The following PRKN variants were observed in gnomAD, a reference collection of about 807,000 sequenced individuals.
PRKN encodes the protein E3 ubiquitin-protein ligase parkin.
Under a neutral mutation model 59.5 loss-of-function variants are expected in PRKN, and 56 were observed. That is an observed-to-expected ratio of 0.94 (90% confidence interval 0.76 to 1.18). PRKN has a LOEUF of 1.18. Among genes scored for constraint, PRKN ranks in the 50% most tolerant of loss-of-function variants. The probability of loss-of-function intolerance (pLI) is 0.00; values close to 1 mark genes in which losing one functional copy is unlikely to be tolerated. For synonymous variants in PRKN, 250 were observed against 222.1 expected, an observed-to-expected ratio of 1.13 and a Z score of -1.12; for missense variants, 657 against 596.4, an observed-to-expected ratio of 1.10 and a Z score of -1.06.
At chr6:162,528,054 A>T (rs966238270) in intron 1 of PRKN, among the ~76,000 whole-genome samples, 1 of 6,762 alleles carries the variant, frequency 1.5e-4, no homozygotes, top group Non-Finnish European at 2.2e-4. Flanking sequence ...GCACTTTGGG[A>T]GGTCGGGGGA....
At chr6:162,648,859 T>C (rs1562467494) in intron 1 of PRKN, among the ~76,000 whole-genome samples, 2 of 152,210 alleles carry the variant, frequency 1.3e-5, no homozygotes, top group South Asian at 2.1e-4. Context: ...TGGAGGTATT[T>C]TGTAGACATA....
intron 7 of PRKN, among the ~76,000 whole-genome samples, chr6:161,690,652 C>T (rs1785744785): frequency 6.6e-6 from 1 of 152,192 alleles, no homozygotes; most frequent in Non-Finnish European, 1.5e-5. Flanking sequence ...AGCATCCCAT[C>T]ACTAAGGACC....
At chr6:162,515,842 A>G (rs565254211) in intron 1 of PRKN, among the ~76,000 whole-genome samples, 1 of 152,318 alleles carries the variant, frequency 6.6e-6, no homozygotes, top group East Asian at 1.9e-4. Flanking sequence ...TTCTTCCTGA[A>G]AAGTACTAGA....
At chr6:162,188,427 A>G (rs9365382) in intron 4 of PRKN, among the ~76,000 whole-genome samples, 46,710 of 151,894 alleles carry the variant, frequency 0.31, 11,995 homozygotes, top group African/African-American at 0.67. Context: ...CTGAACACCA[A>G]CATCATTCCA....
chr6:161,422,898 G>A (rs139841617), intron 9 of PRKN, among the ~76,000 whole-genome samples: 9 of 152,266 alleles, frequency 5.9e-5, no homozygotes, highest in East Asian at 1.9e-4. Context: ...TGATCGAGAC[G>A]CCAACAGCAG....
At chr6:162,672,834 C>A (rs1779385295) in intron 1 of PRKN, among the ~76,000 whole-genome samples, 1 of 152,072 alleles carries the variant, frequency 6.6e-6, no homozygotes, top group Non-Finnish European at 1.5e-5. Flanking sequence ...CAATCTACAG[C>A]AGAGATATAA....
At chr6:161,677,894 CCAGCTACT>C (rs1785147968) in intron 7 of PRKN, among the ~76,000 whole-genome samples, 1 of 152,098 alleles carries the variant, frequency 6.6e-6, no homozygotes, top group Non-Finnish European at 1.5e-5. Flanking sequence ...AGAGGTGAAA[CCAGCTACT>C]CATGGACTCA....
intron 3 of PRKN, among the ~76,000 whole-genome samples, chr6:162,247,951 C>A (rs1229676163): frequency 6.6e-6 from 1 of 152,078 alleles, no homozygotes; most frequent in Non-Finnish European, 1.5e-5. Flanking sequence ...TTTAATTTCC[C>A]CCCAGCCCCA....
chr6:162,319,155 A>C (rs557996488), intron 2 of PRKN, among the ~76,000 whole-genome samples: 1 of 152,094 alleles, frequency 6.6e-6, no homozygotes, highest in Non-Finnish European at 1.5e-5. Context: ...TAAGAAACAA[A>C]CATATTTGTT....
chr6:161,386,778 G>A lies in PRKN; in HGVS notation c.1167+16C>T. 1 of 1,586,934 alleles carries A rather than the reference G, an allele frequency of 6.3e-7. No individual in the cohort carries two copies. Among genetic ancestry groups the A allele is most frequent in the Non-Finnish European group, 8.7e-7 (1 of 1,155,214 alleles). On this transcript the variant is annotated intron_variant, in intron 10 of 11. Transcript: ENST00000366898. This position sits in a 1 kb window ranked among gnomAD's most constrained non-coding sequence, Gnocchi z 4.3. Reference sequence around the variant, plus strand: ...TCCGGAGCCCTGCTTGGAGGAATGAGTAGGGCATTCTGTACCTGAGTAGTT... The same window carrying A: ...TCCGGAGCCCTGCTTGGAGGAATGAATAGGGCATTCTGTACCTGAGTAGTT...
chr6:161,926,627 T>G (rs1778979902), intron 6 of PRKN, among the ~76,000 whole-genome samples: 1 of 152,198 alleles, frequency 6.6e-6, no homozygotes, highest in Non-Finnish European at 1.5e-5. Context: ...TACCTTCATG[T>G]TCGTCTTATC....
intron 3 of PRKN, among the ~76,000 whole-genome samples, chr6:162,240,688 A>T (rs1441988168): frequency 6.6e-6 from 1 of 152,200 alleles, no homozygotes. Flanking sequence ...ATAGAAGTCA[A>T]CCTGTAGCTG....
intron 2 of PRKN, among the ~76,000 whole-genome samples, chr6:162,265,715 C>T (rs1780098764): frequency 6.6e-6 from 1 of 152,154 alleles, no homozygotes; most frequent in Admixed American, 6.6e-5. Flanking sequence ...AAAGCTTCTA[C>T]CTGTTCACAC....
chr6:161,920,672 C>T (rs1309828536), intron 6 of PRKN, among the ~76,000 whole-genome samples: 4 of 151,534 alleles, frequency 2.6e-5, no homozygotes, highest in Non-Finnish European at 2.9e-5. Flanking sequence ...TGCCTGTAAT[C>T]CCAGCTACTC....
At position 161,569,384 on chromosome 6, in the gene PRKN, G is replaced by A. The variant is rs755749488; in HGVS notation, c.904C>T (p.His302Tyr). The A allele has an allele frequency of 1.5e-5, 24 of 1,613,844 alleles. No homozygotes were observed. Among genetic ancestry groups the A allele is most frequent in the Non-Finnish European group, 2.0e-5 (24 of 1,179,854 alleles). ...TCTTCTCCCAGAATCCTGAAGTGAT[G>A]GAGCTCTTTAATCAAGGAGTTGGGA... ...GCPNSLIKELHHFRILGEEQY... is the reference protein window; with the variant it reads ...GCPNSLIKELYHFRILGEEQY... The change falls in exon 8 of 12, where the codon CAT (histidine) becomes TAT (tyrosine). Residue 302 changes from histidine (H) to tyrosine (Y), a missense_variant. Transcript: ENST00000366898.
chr6:161,585,837 C>T (rs989459265), intron 7 of PRKN, among the ~76,000 whole-genome samples: 4 of 152,132 alleles, frequency 2.6e-5, no homozygotes, highest in Non-Finnish European at 5.9e-5. Context: ...GACAACCCAG[C>T]CAGGCAGCAG....
At chr6:161,710,540 T>C (rs925166125) in intron 7 of PRKN, among the ~76,000 whole-genome samples, 5 of 152,130 alleles carry the variant, frequency 3.3e-5, no homozygotes, top group African/African-American at 1.2e-4. Flanking sequence ...TGTGTGCATG[T>C]GTATATGACT....
intron 6 of PRKN, among the ~76,000 whole-genome samples, chr6:161,886,434 C>T (rs1795149373): frequency 6.6e-6 from 1 of 152,132 alleles, no homozygotes; most frequent in Non-Finnish European, 1.5e-5. Flanking sequence ...CAGTGGCTCA[C>T]GCCTGTAATC....
chr6:162,647,947 TGCAAAAA>T lies in PRKN; in HGVS notation c.7+79708_7+79714del, dbSNP rs1299317825. On this transcript the variant is annotated intron_variant, in intron 1 of 11. Coordinates refer to ENST00000366898, the MANE Select transcript of PRKN (RefSeq NM_004562.3). ...TAGAACCATCTCTATATGTCCACAG[TGCAAAAA>T]AAAAAAAAAAAAAAAAAAAAAAAGT... 1.9e-3 allele frequency among the ~76,000 whole-genome samples: 30 copies of T among 15,558 alleles called. 1 individual carries two copies. Among genetic ancestry groups the T allele is most frequent in the African/African-American group, 4.9e-3 (14 of 2,856 alleles). 10.2% of individuals were successfully genotyped at this position (15,558 alleles called of 152,430 possible).
Sources: gnomAD v4.1 joint callset for allele counts (sites outside exome capture counted in the v4.1 genomes callset) on GRCh38, gnomAD v4.1.1 for gene constraint, Gnocchi (gnomAD v3.1) non-coding constraint, MANE v1.5 for transcripts, NCBI Gene and HGNC (gene_info 2026-07-23, HGNC 2026-07-21) for gene names.